The following LIPT1 variants were observed in gnomAD, a reference collection of about 807,000 sequenced individuals.
LIPT1 encodes the protein lipoyl amidotransferase LIPT1, mitochondrial.
In LIPT1, 22 loss-of-function variants were observed where a neutral mutation model predicts 25.1. That is an observed-to-expected ratio of 0.88 (90% CI 0.63 to 1.25). LIPT1 has a LOEUF of 1.25. LIPT1 is among the 50% of genes most tolerant of loss of function. LIPT1 has a pLI of 0.00. For missense variants in LIPT1, 399 were observed against 432.8 expected (o/e 0.92, Z 0.69); for synonymous variants, 131 against 150.8 (o/e 0.87, Z 0.96).
Position 99,162,863 on chromosome 2 carries a change from A to T in LIPT1, c.906A>T (p.Ile302=), listed in dbSNP as rs545941896. Residue 302 remains isoleucine (I), a synonymous_variant, in exon 2 of 2, where the codon ATA becomes ATT. Transcript: ENST00000651691. The part of the protein sequence containing the change: ...SHLEIKVFID[I]KNGRIEICNI... ...TGGAAATTAAAGTATTCATAGACAT[A>T]AAGAATGGAAGAATTGAAATTTGTA... is the stretch of plus-strand genomic sequence containing the variant. 45 of 1,612,920 alleles carry T rather than the reference A, an allele frequency of 2.8e-5. No individual in the cohort carries two copies. In the Admixed American group the frequency reaches 6.8e-4, roughly 25 times the overall value.
chr2:99,157,408 G>A (rs1486348380), intron 1 of LIPT1, among the ~76,000 whole-genome samples: 3 of 152,104 alleles, frequency 2.0e-5, no homozygotes, highest in African/African-American at 7.2e-5. Flanking sequence ...AACATGCTCA[G>A]ATCTATTGCA....
intron 1 of LIPT1, among the ~76,000 whole-genome samples, chr2:99,159,892 T>G (rs952183899): frequency 1.3e-4 from 20 of 152,348 alleles, no homozygotes; most frequent in African/African-American, 4.3e-4. Flanking sequence ...GATGACTCTT[T>G]GTCTTTGCAT....
intron 1 of LIPT1, 48 bp from the exon 2 acceptor site, chr2:99,161,909 T>A (rs770213925): frequency 7.0e-7 from 1 of 1,431,854 alleles, no homozygotes; most frequent in Admixed American, 2.2e-5. Context: ...TAGAATTTAA[T>A]GTTCCTTTTC....
chr2:99,155,561 A>T lies in LIPT1; in HGVS notation c.-2+510A>T, dbSNP rs1169626608. On this transcript the variant is annotated intron_variant, in intron 1 of 1. Transcript: ENST00000651691. ...ACATGGAAGGTAAGGAAGTCTTCCG[A>T]GGAAAAACTTCAAAAAATTAGTCAT... 5 of 455,658 alleles carry T rather than the reference A, an allele frequency of 1.1e-5. No homozygotes were observed. In the East Asian group the frequency reaches 2.1e-4, roughly 19 times the overall value. The allele number at this position is 455,658 out of a possible 1,614,324, so 28.2% of individuals were successfully genotyped here. A position where few individuals can be genotyped will look rare whatever the true frequency, so the allele number is the denominator to read the frequency against.
intron 1 of LIPT1, among the ~76,000 whole-genome samples, chr2:99,161,271 A>T (rs2093785991): frequency 1.2e-4 from 5 of 40,298 alleles, no homozygotes; most frequent in African/African-American, 3.0e-4. Flanking sequence ...AAAAAAAAAA[A>T]AAAAAAAAAA....
chr2:99,162,590 A>AT lies in LIPT1; in HGVS notation c.633_634insT (p.Val212CysfsTer14). 2 of 1,614,134 alleles carry AT rather than the reference A, an allele frequency of 1.2e-6. No homozygotes were observed. Among genetic ancestry groups the AT allele is most frequent in the Non-Finnish European group, 1.7e-6 (2 of 1,180,018 alleles). ...ATGCCACTGCTAGCATACCTTCCTT[A>AT]GTGAAAAATCTTTTGGAAAAGGATC... On this transcript the variant is annotated frameshift_variant, in exon 2 of 2. Transcript: ENST00000651691. LOFTEE classifies it high-confidence loss of function.
Position 99,163,013 on chromosome 2 carries a change from T to G in LIPT1, c.1056T>G (p.Cys352Trp). 1 of 1,605,172 alleles carries G rather than the reference T, an allele frequency of 6.2e-7. No individual in the cohort carries two copies. The highest frequency in any genetic ancestry group is 8.5e-7 in the Non-Finnish European group (1 of 1,176,566). The change falls in exon 2 of 2, where the codon TGT becomes TGG. Residue 352 changes from cysteine to tryptophan, a missense_variant. Cys to Trp is a radical substitution (Grantham distance 215). Coordinates refer to ENST00000651691, the MANE Select transcript of LIPT1 (RefSeq NM_145199.3). Reference protein sequence around the residue: ...TMLTNILLRTCPQDHKLNSKW... With the variant: ...TMLTNILLRTWPQDHKLNSKW... ...TAACAAATATATTACTTAGAACATG[T>G]CCACAAGACCACAAACTAAACAGTA...
At position 99,162,889 on chromosome 2, in the gene LIPT1, A is replaced by T. The variant is rs750998781; in HGVS notation, c.932A>T (p.Asn311Ile). 3 of 1,613,076 alleles carry T rather than the reference A, an allele frequency of 1.9e-6. No individual in the cohort carries two copies. ...DIKNGRIEIC[N>I]IEAPDHWLPL... ...AAGAATGGAAGAATTGAAATTTGTA[A>T]TATTGAAGCACCTGATCATTGGTTG... The change falls in exon 2 of 2, where the codon AAT (asparagine) becomes ATT (isoleucine). Residue 311 changes from asparagine to isoleucine, a missense_variant. Physicochemically the swap from Asn to Ile is moderately radical, Grantham distance 149. Coordinates refer to ENST00000651691, the MANE Select transcript of LIPT1 (RefSeq NM_145199.3).
Position 99,162,438 on chromosome 2 carries a change from A to C in LIPT1, c.481A>C (p.Lys161Gln), listed in dbSNP as rs1172991264. The C allele has an allele frequency of 6.2e-7, 1 of 1,614,024 alleles. No individual in the cohort carries two copies. The highest frequency in any genetic ancestry group is 8.5e-7 in the Non-Finnish European group (1 of 1,180,036). Residue 161 changes from lysine (K) to glutamine (Q), a missense_variant, in exon 2 of 2, where the codon AAA becomes CAA. Lys to Gln is a moderately conservative substitution (Grantham distance 53, BLOSUM62 1). Transcript: ENST00000651691. ...RFDLLLDGQF[K>Q]ISGTASKIGR... Reference sequence around the variant, plus strand: ...TGACCTTTTACTTGATGGACAGTTTAAAATCTCAGGAACAGCTTCTAAGAT... The same window carrying C: ...TGACCTTTTACTTGATGGACAGTTTCAAATCTCAGGAACAGCTTCTAAGAT...
intron 1 of LIPT1, 91 bp downstream of exon 1, chr2:99,155,142 C>A (rs1217397909): frequency 9.0e-6 from 4 of 442,070 alleles, no homozygotes; most frequent in African/African-American, 6.0e-5. Context: ...GTGTTTCTGG[C>A]GGTGGGTCAG....
At chr2:99,159,493 T>C (rs181177219) in intron 1 of LIPT1, among the ~76,000 whole-genome samples, 2 of 152,182 alleles carry the variant, frequency 1.3e-5, no homozygotes, top group Non-Finnish European at 2.9e-5. Flanking sequence ...CTGTCCCTAG[T>C]CCATCCTTTA....
At chr2:99,157,899 T>G (rs2093764936) in intron 1 of LIPT1, among the ~76,000 whole-genome samples, 1 of 152,200 alleles carries the variant, frequency 6.6e-6, no homozygotes, top group Admixed American at 6.5e-5. Context: ...CCATACTTCC[T>G]CTTCCTATAA....
intron 1 of LIPT1, among the ~76,000 whole-genome samples, chr2:99,159,403 T>G (rs553328372): frequency 6.6e-6 from 1 of 152,212 alleles, no homozygotes; most frequent in East Asian, 1.9e-4. Flanking sequence ...TCCCCTTCTC[T>G]CTCTCTCTCT....
At chr2:99,158,892 G>T (rs1209810447) in intron 1 of LIPT1, among the ~76,000 whole-genome samples, 2 of 152,054 alleles carry the variant, frequency 1.3e-5, no homozygotes, top group Non-Finnish European at 2.9e-5. Flanking sequence ...GATTGTGGAG[G>T]TACTTGTTTC....
Position 99,162,339 on chromosome 2 carries a change from GA to G in LIPT1, c.386del (p.Asn129IlefsTer2). On this transcript the variant is annotated frameshift_variant, in exon 2 of 2. Coordinates refer to ENST00000651691, the MANE Select transcript of LIPT1 (RefSeq NM_145199.3). LOFTEE classifies it high-confidence loss of function. ...FTTKKKYDRM[E>X]NLKLIVRALN... ...AACCAAAAAAAAGTATGATAGAATGGAAAATCTGAAATTAATTGTGAGAGCT... is the reference window on the plus strand; with the variant it reads ...AACCAAAAAAAAGTATGATAGAATGGAAATCTGAAATTAATTGTGAGAGCT... 1 of 1,613,618 alleles carries G rather than the reference GA, an allele frequency of 6.2e-7. No homozygotes were observed. The highest frequency in any genetic ancestry group is 8.5e-7 in the Non-Finnish European group (1 of 1,179,964).
At chr2:99,161,339 G>A (rs1332961851) in intron 1 of LIPT1, 7 of 75,992 alleles carry the variant, frequency 9.2e-5, no homozygotes, top group Admixed American at 3.1e-4. Flanking sequence ...TATATATATA[G>A]ATTGAATGTC....
chr2:99,160,707 CCTCT>C (rs918294495), intron 1 of LIPT1, among the ~76,000 whole-genome samples: 2 of 152,094 alleles, frequency 1.3e-5, no homozygotes, highest in African/African-American at 2.4e-5. Context: ...CTCCCAGTTG[CCTCT>C]CTCTCTGACC....
intron 1 of LIPT1, among the ~76,000 whole-genome samples, chr2:99,158,764 A>G (rs2105188617): frequency 6.6e-6 from 1 of 152,278 alleles, no homozygotes; most frequent in East Asian, 1.9e-4. Context: ...CTCAGCTTCA[A>G]TGTCACATCC....
At chr2:99,160,250 A>C (rs966640256) in intron 1 of LIPT1, among the ~76,000 whole-genome samples, 1 of 152,194 alleles carries the variant, frequency 6.6e-6, no homozygotes, top group Non-Finnish European at 1.5e-5. Flanking sequence ...TCTACAAAAA[A>C]TTTAAAAATT....
Sources: gnomAD v4.1 joint callset for allele counts (sites outside exome capture counted in the v4.1 genomes callset) on GRCh38, gnomAD v4.1.1 for gene constraint, MANE v1.5 for transcripts, NCBI Gene and HGNC (gene_info 2026-07-23, HGNC 2026-07-21) for gene names.